Variants in GABPB1 observed in about 807,000 individuals in gnomAD.
GABPB1 encodes the protein GA binding protein transcription factor subunit beta 1, also known as GA-binding protein subunit beta-1.
A neutral mutation model predicts 45.9 loss-of-function variants in GABPB1; 15 were observed. That is an observed-to-expected ratio of 0.33 (90% CI 0.22 to 0.50). The LOEUF (loss-of-function observed/expected upper bound fraction) is 0.50, where lower values mean the gene tolerates loss of function less well. Among genes scored for constraint, GABPB1 ranks in the 20% least tolerant of loss-of-function variants. GABPB1 has a pLI of 0.98. For missense variants in GABPB1, 252 were observed against 457.5 expected (o/e 0.55, Z 4.10); for synonymous variants, 143 against 154.4 (o/e 0.93, Z 0.55).
intron 1 of GABPB1, among the ~76,000 whole-genome samples, chr15:50,344,783 A>T (rs1417129653): frequency 6.6e-6 from 1 of 152,196 alleles, no homozygotes; most frequent in Non-Finnish European, 1.5e-5. Context: ...GGTTGCAGTG[A>T]GCCAAGATTG....
chr15:50,322,702 A>G (rs1367931784), intron 1 of GABPB1, among the ~76,000 whole-genome samples: 1 of 152,186 alleles, frequency 6.6e-6, no homozygotes, highest in Non-Finnish European at 1.5e-5. Flanking sequence ...TATTTCATTA[A>G]TAACTTTTAT....
intron 1 of GABPB1, chr15:50,346,434 C>A (rs2048581122): frequency 6.6e-6 from 1 of 152,134 alleles, no homozygotes; most frequent in Admixed American, 6.6e-5. Flanking sequence ...GTGGAAAAAT[C>A]TGACAACAGG....
intron 7 of GABPB1, among the ~76,000 whole-genome samples, chr15:50,288,426 T>C (rs1483294773): frequency 2.0e-5 from 3 of 152,208 alleles, no homozygotes; most frequent in Non-Finnish European, 4.4e-5. Context: ...GGGCAATGCT[T>C]ACTTAGGCAC....
Position 50,304,948 on chromosome 15 carries a change from C to G in GABPB1, c.109-815G>C, listed in dbSNP as rs1185796181. ...GTGATCTTTTTAAAGGGATTTTTTT[C>G]AAAGGAAAAATCTTAGGTGCATTTG... On this transcript the variant is annotated intron_variant, in intron 2 of 8. Coordinates refer to ENST00000380877, the MANE Select transcript of GABPB1 (RefSeq NM_016654.5). Among the ~76,000 whole-genome samples the G allele has an allele frequency of 2.0e-5, 3 of 151,834 alleles. 1 individual carries two copies. Among genetic ancestry groups the G allele is most frequent in the Non-Finnish European group, 2.9e-5 (2 of 67,950 alleles).
At chr15:50,346,788 G>GGC (rs2048602747) in intron 1 of GABPB1, among the ~76,000 whole-genome samples, 1 of 87,344 alleles carries the variant, frequency 1.1e-5, no homozygotes. Context: ...GCTGTCTGGA[G>GGC]TCTTTTTTTT....
rs1027982998 is a variant in GABPB1, at chr15:50,323,225, G to T, written c.1-13427C>A. ...TTTTAAATTAAATCTGTGGCTGCAG[G>T]CACCACTGCAGAGGAATGGGAAGCT... On this transcript the variant is annotated intron_variant, in intron 1 of 8. Transcript: ENST00000380877. 2.6e-5 allele frequency among the ~76,000 whole-genome samples: 4 copies of T among 152,238 alleles called. No homozygotes were observed. The South Asian group carries it at 8.3e-4, about 32-fold the overall frequency.
intron 6 of GABPB1, among the ~76,000 whole-genome samples, chr15:50,297,610 C>T (rs935896418): frequency 2.0e-5 from 3 of 152,146 alleles, no homozygotes; most frequent in Admixed American, 6.5e-5. Context: ...TCTGAGAGGC[C>T]GAGATGGACA....
At chr15:50,315,521 A>G (rs1300091474) in intron 1 of GABPB1, among the ~76,000 whole-genome samples, 1 of 152,244 alleles carries the variant, frequency 6.6e-6, no homozygotes, top group Non-Finnish European at 1.5e-5. Context: ...ATTGAAATCA[A>G]TGGAAGAAAA....
chr15:50,304,941 T>G (rs969470562), intron 2 of GABPB1, among the ~76,000 whole-genome samples: 1 of 152,166 alleles, frequency 6.6e-6, no homozygotes, highest in Non-Finnish European at 1.5e-5. Context: ...TTTAAAGGGA[T>G]TTTTTTCAAA....
chr15:50,278,562 T>C lies in GABPB1; in HGVS notation c.*70A>G, dbSNP rs987933958. On this transcript the variant is annotated 3_prime_UTR_variant, in exon 9 of 9. Transcript: ENST00000380877. ...ATTCTGTATTCCCATGGCTGTACCTTTGTTGTGTACAGTTCAAGATTGTAT... is the reference window on the plus strand; with the variant it reads ...ATTCTGTATTCCCATGGCTGTACCTCTGTTGTGTACAGTTCAAGATTGTAT... The C allele has an allele frequency of 7.9e-7, 1 of 1,272,886 alleles. No individual in the cohort carries two copies. The highest frequency in any genetic ancestry group is 1.5e-5 in the African/African-American group (1 of 66,632). The allele number at this position is 1,272,886 out of a possible 1,614,324, so 78.8% of individuals were successfully genotyped here.
intron 2 of GABPB1, among the ~76,000 whole-genome samples, chr15:50,304,966 T>C (rs2046890582): frequency 6.6e-6 from 1 of 152,126 alleles, no homozygotes; most frequent in Non-Finnish European, 1.5e-5. Context: ...AAATCTTAGG[T>C]GCATTTGCCA....
At chr15:50,328,238 TA>T (rs930410845) in intron 1 of GABPB1, among the ~76,000 whole-genome samples, 1,450 of 142,848 alleles carry the variant, frequency 0.01, 25 homozygotes, top group African/African-American at 0.032. Flanking sequence ...TATTCCTTTC[TA>T]AAAAAAAAAA....
chr15:50,289,723 C>A, intron 6 of GABPB1, 55 bp from the exon 7 acceptor site: 1 of 1,381,820 alleles, frequency 7.2e-7, no homozygotes, highest in African/African-American at 1.5e-5. Context: ...TGAATAGAAA[C>A]CTATTTTTGC....
intron 1 of GABPB1, among the ~76,000 whole-genome samples, chr15:50,345,702 G>C (rs1247163379): frequency 6.9e-6 from 1 of 144,280 alleles, no homozygotes; most frequent in East Asian, 1.9e-4. Context: ...AAGTACAGAT[G>C]TCTGTACATT....
intron 1 of GABPB1, chr15:50,352,997 A>ACTGCAGAATTAATTTT (rs1472410864): frequency 6.6e-6 from 1 of 152,218 alleles, no homozygotes; most frequent in African/African-American, 2.4e-5. Flanking sequence ...CAAAGGATTC[A>ACTGCAGAATTAATTTT]CTGCAGAATT....
intron 6 of GABPB1, among the ~76,000 whole-genome samples, chr15:50,294,135 T>A (rs1189529356): frequency 2.0e-5 from 3 of 152,200 alleles, no homozygotes; most frequent in Non-Finnish European, 4.4e-5. Flanking sequence ...TGAATTCAGA[T>A]GCCATACAAA....
At chr15:50,344,822 GA>G (rs2048505419) in intron 1 of GABPB1, among the ~76,000 whole-genome samples, 2 of 152,042 alleles carry the variant, frequency 1.3e-5, no homozygotes, top group Non-Finnish European at 2.9e-5. Flanking sequence ...TGGGCAACAA[GA>G]ATGAAACTCC....
chr15:50,276,841 A>G lies in GABPB1; in HGVS notation c.*1791T>C, dbSNP rs1271592322. ...ATGTACCGAAGTAACCAGAAACAACATTCTCTATTGACTTTTCAGGACTGC... is the reference window on the plus strand; with the variant it reads ...ATGTACCGAAGTAACCAGAAACAACGTTCTCTATTGACTTTTCAGGACTGC... On this transcript the variant is annotated 3_prime_UTR_variant, in exon 9 of 9. Transcript: ENST00000380877. 1 of 152,214 alleles carries G rather than the reference A, an allele frequency of 6.6e-6. No individual in the cohort carries two copies. Among genetic ancestry groups the G allele is most frequent in the Non-Finnish European group, 1.5e-5 (1 of 68,036 alleles). The allele number at this position is 152,214 out of a possible 1,614,324, so 9.4% of individuals were successfully genotyped here. A position where few individuals can be genotyped will look rare whatever the true frequency, so the allele number is the denominator to read the frequency against.
At chr15:50,302,073 C>G (rs2046770762) in intron 4 of GABPB1, among the ~76,000 whole-genome samples, 1 of 151,990 alleles carries the variant, frequency 6.6e-6, no homozygotes, top group Admixed American at 6.6e-5. Context: ...AACAAACAGG[C>G]AAGAAGAGGC....
Sources: gnomAD v4.1 joint callset for allele counts (sites outside exome capture counted in the v4.1 genomes callset) on GRCh38, gnomAD v4.1.1 for gene constraint, MANE v1.5 for transcripts, NCBI Gene and HGNC (gene_info 2026-07-23, HGNC 2026-07-21) for gene names.